The following CDK13 variants were observed in gnomAD, a reference collection of about 807,000 sequenced individuals.
CDK13 encodes the protein cyclin-dependent kinase 13.
In CDK13, 40 loss-of-function variants were observed where a neutral mutation model predicts 137.6. The observed-to-expected ratio is 0.29, with a 90% CI of 0.23 to 0.38. CDK13 has a LOEUF of 0.38. Among genes scored for constraint, CDK13 ranks in the 10% least tolerant of loss-of-function variants. The probability of loss-of-function intolerance (pLI) is 1.00; values close to 1 mark genes in which losing one functional copy is unlikely to be tolerated. For missense variants in CDK13, 1,704 were observed against 1,951.8 expected (o/e 0.87, Z 2.39); for synonymous variants, 869 against 760.1 (o/e 1.14, Z -2.36).
At chr7:39,999,003 A>C (rs1053756030) in intron 3 of CDK13, 1 of 159,638 alleles carries the variant, frequency 6.3e-6, no homozygotes, top group Non-Finnish European at 1.4e-5. Context: ...TGGATGCAAA[A>C]TAAAACTTTC....
chr7:40,009,813 A>C (rs1404101228), intron 5 of CDK13, among the ~76,000 whole-genome samples: 1 of 152,242 alleles, frequency 6.6e-6, no homozygotes, highest in Non-Finnish European at 1.5e-5. Context: ...AAAAACAGGG[A>C]TATCTGCTTC....
intron 1 of CDK13, among the ~76,000 whole-genome samples, chr7:39,967,384 G>A (rs1048592223): frequency 1.4e-4 from 21 of 151,758 alleles, no homozygotes; most frequent in South Asian, 6.2e-4. Context: ...CTGAGATCGC[G>A]CCACGCCTCT....
chr7:39,970,196 G>C (rs1007988046), intron 1 of CDK13, among the ~76,000 whole-genome samples: 1 of 151,634 alleles, frequency 6.6e-6, no homozygotes, highest in African/African-American at 2.4e-5. Flanking sequence ...GTAGAGACAG[G>C]GTTTCACCAT....
chr7:40,021,112 TATATATATATACACAC>T (rs1785111518), intron 5 of CDK13, among the ~76,000 whole-genome samples: 1 of 88,330 alleles, frequency 1.1e-5, no homozygotes, highest in African/African-American at 4.8e-5. Context: ...CGTATATATA[TATATATATATACACAC>T]ACACACACAC....
At chr7:39,952,693 T>C (rs1659865373) in intron 1 of CDK13, 1 of 152,218 alleles carries the variant, frequency 6.6e-6, no homozygotes, top group African/African-American at 2.4e-5. Flanking sequence ...AGTAGACTTT[T>C]TCTTAGATAT....
At chr7:39,974,703 A>G (rs1327139041) in intron 1 of CDK13, among the ~76,000 whole-genome samples, 2 of 152,020 alleles carry the variant, frequency 1.3e-5, no homozygotes, top group Non-Finnish European at 2.9e-5. Context: ...AGCTGGGATT[A>G]CAGGTGAGTG....
chr7:39,987,898 C>A lies in CDK13; in HGVS notation c.1511C>A (p.Ala504Asp). ...TPTKGNTETS[A>D]SASQTNHVKD... ...ACCAAGGGGAACACGGAAACTAGTG[C>A]CAGTGCATCACAAACAAACCATGTG... The change falls in exon 2 of 14, where the codon GCC becomes GAC. Residue 504 changes from alanine (A) to aspartate (D), a missense_variant. Ala to Asp is a moderately radical substitution (Grantham distance 126). Transcript: ENST00000181839. 6.2e-7 allele frequency: 1 copy of A among 1,614,146 alleles called. No homozygotes were observed. The highest frequency in any genetic ancestry group is 8.5e-7 in the Non-Finnish European group (1 of 1,179,988).
At chr7:39,965,355 C>G (rs1783846668) in intron 1 of CDK13, among the ~76,000 whole-genome samples, 1 of 152,054 alleles carries the variant, frequency 6.6e-6, no homozygotes. Flanking sequence ...TGAATTGATC[C>G]CTTTACCATT....
intron 5 of CDK13, among the ~76,000 whole-genome samples, chr7:40,034,276 C>T (rs1467102270): frequency 1.3e-5 from 2 of 152,164 alleles, no homozygotes; most frequent in African/African-American, 4.8e-5. Flanking sequence ...GTATCCTGAA[C>T]CTGCCTGCCT....
intron 5 of CDK13, among the ~76,000 whole-genome samples, chr7:40,031,828 GTTATTATTATTATTATTA>G (rs34654098): frequency 5.0e-5 from 7 of 139,106 alleles, no homozygotes; most frequent in Non-Finnish European, 9.2e-5. Flanking sequence ...TATTATTATT[GTTATTATTATTATTATTA>G]TTATTATTAT....
At chr7:40,014,302 C>T (rs866707294) in intron 5 of CDK13, among the ~76,000 whole-genome samples, 7 of 151,600 alleles carry the variant, frequency 4.6e-5, no homozygotes, top group African/African-American at 1.2e-4. Context: ...CTCCTGACCT[C>T]GTGATCTGCC....
chr7:40,062,694 T>G, intron 7 of CDK13, 132 bp from the exon 8 acceptor site: 1 of 707,508 alleles, frequency 1.4e-6, no homozygotes, highest in Middle Eastern at 2.7e-4. Context: ...GATGTCTGTA[T>G]TTTTTAGTAG....
At chr7:39,959,843 T>G (rs1331647118) in intron 1 of CDK13, among the ~76,000 whole-genome samples, 1 of 2,270 alleles carries the variant, frequency 4.4e-4, no homozygotes, top group Admixed American at 2.9e-3. Flanking sequence ...ACTAACTTGT[T>G]TTTTTTTTTT....
rs547587690 is a variant in CDK13 at position 40,078,904 on chromosome 7, A to G, written c.3029+53A>G. On this transcript the variant is annotated intron_variant, in intron 11 of 13. Coordinates refer to ENST00000181839, the MANE Select transcript of CDK13 (RefSeq NM_003718.5). ...TATATATTATTATTATATTTATTAT[A>G]TTAAAACAGTTTTAATAACATATAT... is the stretch of plus-strand genomic sequence containing the variant. 1.2e-5 allele frequency: 8 copies of G among 685,022 alleles called. No individual in the cohort carries two copies. In the African/African-American group the frequency reaches 1.4e-4, roughly 12 times the overall value. 42.4% of individuals were successfully genotyped at this position (685,022 alleles called of 1,614,324 possible).
At chr7:39,961,791 C>T (rs979299314) in intron 1 of CDK13, among the ~76,000 whole-genome samples, 1 of 152,160 alleles carries the variant, frequency 6.6e-6, no homozygotes, top group Admixed American at 6.6e-5. Flanking sequence ...CCTCCCTCCC[C>T]CTACCCCACA....
At chr7:39,982,728 T>C (rs1215332999) in intron 1 of CDK13, among the ~76,000 whole-genome samples, 1 of 152,248 alleles carries the variant, frequency 6.6e-6, no homozygotes, top group Non-Finnish European at 1.5e-5. Flanking sequence ...TGAGATGGTA[T>C]CTCATTGTGG....
At chr7:40,039,922 T>C (rs1785568355) in intron 5 of CDK13, among the ~76,000 whole-genome samples, 1 of 152,174 alleles carries the variant, frequency 6.6e-6, no homozygotes, top group African/African-American at 2.4e-5. Flanking sequence ...GAACTTTTTT[T>C]CTACTCTTAG....
At chr7:40,035,326 G>T (rs1785458368) in intron 5 of CDK13, among the ~76,000 whole-genome samples, 1 of 152,142 alleles carries the variant, frequency 6.6e-6, no homozygotes, top group Non-Finnish European at 1.5e-5. Flanking sequence ...GGGTTTCCCA[G>T]CCCCCAGGCC....
chr7:39,954,817 C>T (rs1787357298), intron 1 of CDK13, among the ~76,000 whole-genome samples: 1 of 152,144 alleles, frequency 6.6e-6, no homozygotes, highest in South Asian at 2.1e-4. Context: ...TAGGGTTTCA[C>T]CATGTTGCCC....
Sources: allele counts gnomAD v4.1 joint callset (sites outside exome capture counted in the v4.1 genomes callset), GRCh38; gene constraint gnomAD v4.1.1; transcripts MANE v1.5; gene names NCBI Gene and HGNC (gene_info 2026-07-23, HGNC 2026-07-21).